ZNF469: variants seen among roughly 807,000 people sequenced by gnomAD.
ZNF469 encodes zinc finger protein 469.
A neutral mutation model predicts 1.0 loss-of-function variants in ZNF469; 1 was observed. The observed-to-expected ratio is 1.00, with a 90% CI of 0.35 to 4.73. The LOEUF is 4.73. ZNF469 is among the 30% of genes most tolerant of loss of function. The probability of loss-of-function intolerance (pLI) is 0.16; values close to 1 mark genes in which losing one functional copy is unlikely to be tolerated. For synonymous variants in ZNF469, 2,703 were observed against 2,363.4 expected (o/e 1.14, Z -4.17); for missense variants, 6,100 against 5,356.3 (o/e 1.14, Z -4.33).
the ZNF469 span, among the ~76,000 whole-genome samples, chr16:88,368,117 A>G: frequency 6.6e-6 from 1 of 152,246 alleles, no homozygotes; most frequent in Non-Finnish European, 1.5e-5. Flanking sequence ...TATATCAAAC[A>G]TAAACAAGCC....
chr16:88,199,524 T>C, the ZNF469 span, among the ~76,000 whole-genome samples: 45 of 152,188 alleles, frequency 3.0e-4, no homozygotes, highest in Non-Finnish European at 4.6e-4. Context: ...CCAACCATTG[T>C]TTGATGAAGG....
chr16:88,276,143 T>TG, the ZNF469 span, among the ~76,000 whole-genome samples: 2 of 152,128 alleles, frequency 1.3e-5, no homozygotes, highest in African/African-American at 4.8e-5. Flanking sequence ...GATGCCATCC[T>TG]GGGGGTGGGG....
the ZNF469 span, among the ~76,000 whole-genome samples, chr16:88,270,740 C>T: frequency 6.6e-6 from 1 of 152,244 alleles, no homozygotes; most frequent in Non-Finnish European, 1.5e-5. Context: ...GCTTCTCATT[C>T]CTCCTCTCTG....
At chr16:88,122,867 G>T in the ZNF469 span, among the ~76,000 whole-genome samples, 1 of 151,916 alleles carries the variant, frequency 6.6e-6, no homozygotes, top group African/African-American at 2.4e-5. Flanking sequence ...TTTAGAGATG[G>T]CGTCTCACTC....
chr16:88,418,239 A>G (rs540555823), intron 1 of ZNF469, among the ~76,000 whole-genome samples: 19 of 152,286 alleles, frequency 1.2e-4, no homozygotes, highest in African/African-American at 4.1e-4. Context: ...CAGAGCCGGG[A>G]CCAACAGCAA....
the ZNF469 span, among the ~76,000 whole-genome samples, chr16:88,125,897 A>T: frequency 1.3e-5 from 2 of 152,158 alleles, no homozygotes; most frequent in Non-Finnish European, 1.5e-5. Flanking sequence ...GTAACTTTTT[A>T]AAAAGTTCCG....
chr16:88,305,453 G>A, the ZNF469 span, among the ~76,000 whole-genome samples: 2 of 95,634 alleles, frequency 2.1e-5, no homozygotes, highest in Non-Finnish European at 4.2e-5. Context: ...CATGCTCATA[G>A]ACACACACGC....
the ZNF469 span, among the ~76,000 whole-genome samples, chr16:88,232,057 G>A: frequency 2.1e-4 from 32 of 152,270 alleles, no homozygotes; most frequent in African/African-American, 7.5e-4. Context: ...CTGGAGCCTG[G>A]AGGGAAGGCA....
chr16:88,411,614 C>T (rs866894540), intron 1 of ZNF469, among the ~76,000 whole-genome samples: 3 of 152,112 alleles, frequency 2.0e-5, no homozygotes, highest in South Asian at 2.1e-4. Flanking sequence ...TCAGGGAGAA[C>T]GGGGTGTAGG....
At chr16:88,299,352 G>A in the ZNF469 span, among the ~76,000 whole-genome samples, 1 of 152,230 alleles carries the variant, frequency 6.6e-6, no homozygotes, top group South Asian at 2.1e-4. Context: ...TGCAGCAGGA[G>A]AGGGCTTCTT....
At position 88,436,492 on chromosome 16, in the gene ZNF469, G is replaced by T. The variant is rs1324582542; in HGVS notation, c.9022G>T (p.Asp3008Tyr). 3 of 1,547,850 alleles carry T rather than the reference G, an allele frequency of 1.9e-6. No homozygotes were observed. The highest frequency in any genetic ancestry group is 2.4e-5 in the East Asian group (1 of 40,928). Residue 3008 changes from aspartate (D) to tyrosine (Y), a missense_variant, in exon 3 of 3, where the codon GAC becomes TAC. Asp to Tyr is a radical substitution (Grantham distance 160, BLOSUM62 -3). Coordinates refer to ENST00000565624, the MANE Select transcript of ZNF469 (RefSeq NM_001367624.2). ...RGLEMPAPAD[D>Y]SSSSLGDVSP... ...CCTGGAGATGCCGGCCCCTGCCGAT[G>T]ACTCCTCCTCTTCTCTCGGAGATGT...
At chr16:88,320,306 T>C in the ZNF469 span, among the ~76,000 whole-genome samples, 2 of 152,352 alleles carry the variant, frequency 1.3e-5, no homozygotes, top group African/African-American at 2.4e-5. Context: ...TTTACTCTAA[T>C]GGTAATAATT....
chr16:88,175,072 C>T, the ZNF469 span, among the ~76,000 whole-genome samples: 2 of 152,060 alleles, frequency 1.3e-5, no homozygotes, highest in African/African-American at 4.8e-5. Flanking sequence ...TTCTTCTTTC[C>T]TTTGGGAAAG....
chr16:88,168,410 T>G, the ZNF469 span, among the ~76,000 whole-genome samples: 1 of 152,228 alleles, frequency 6.6e-6, no homozygotes, highest in Non-Finnish European at 1.5e-5. This position sits in a 1 kb window ranked among gnomAD's most constrained non-coding sequence, Gnocchi z 4.3. Context: ...GTGGCCTCCC[T>G]GTCACCTGCC....
chr16:88,299,298 G>A, the ZNF469 span, among the ~76,000 whole-genome samples: 2 of 152,030 alleles, frequency 1.3e-5, no homozygotes, highest in South Asian at 2.1e-4. Context: ...GCTTCCTGAA[G>A]GAGGCAGCTT....
the ZNF469 span, among the ~76,000 whole-genome samples, chr16:88,161,785 C>T: frequency 2.0e-5 from 3 of 152,130 alleles, no homozygotes; most frequent in Non-Finnish European, 2.9e-5. Flanking sequence ...GAGGGACAGC[C>T]GAGGAAGCCA....
In ZNF469 at chr16:88,430,983, C is replaced by T; in HGVS notation, c.3513C>T (p.Ala1171=). The change falls in exon 3 of 3, where the codon GCC becomes GCT. Residue 1171 remains alanine, a synonymous_variant. Transcript: ENST00000565624. The stretch of plus-strand genomic sequence containing the variant: ...CGGGCCCCGGCAGGAGCCCTCAGGC[C>T]CGTGGCCCGTCTCGAAGCCTGGAGA... The part of the protein sequence containing the change: ...SRPGPGRSPQ[A]RGPSRSLETG... The T allele has an allele frequency of 6.5e-7, 1 of 1,540,982 alleles. No homozygotes were observed. Among genetic ancestry groups the T allele is most frequent in the Middle Eastern group, 1.8e-4 (1 of 5,654 alleles).
chr16:88,208,892 C>T, the ZNF469 span, among the ~76,000 whole-genome samples: 12 of 150,788 alleles, frequency 8.0e-5, no homozygotes, highest in African/African-American at 2.4e-4. Context: ...GGAATACCTG[C>T]GAGTCCTTCC....
chr16:88,199,870 C>T, the ZNF469 span, among the ~76,000 whole-genome samples: 6 of 152,226 alleles, frequency 3.9e-5, no homozygotes, highest in Non-Finnish European at 8.8e-5. Flanking sequence ...TCAAGCCTCT[C>T]TGAGTCCTCG....
Sources: gnomAD v4.1 joint callset for allele counts (sites outside exome capture counted in the v4.1 genomes callset) on GRCh38, gnomAD v4.1.1 for gene constraint, Gnocchi (gnomAD v3.1) non-coding constraint, MANE v1.5 for transcripts, NCBI Gene and HGNC (gene_info 2026-07-23, HGNC 2026-07-21) for gene names.